The following PTGER3 variants were observed in gnomAD, a reference collection of about 807,000 sequenced individuals.
The protein encoded by PTGER3 is prostaglandin E2 receptor EP3 subtype.
In PTGER3, 22 loss-of-function variants were observed where a neutral mutation model predicts 34.7. That is an observed-to-expected ratio of 0.63 (90% CI 0.45 to 0.91). The LOEUF (loss-of-function observed/expected upper bound fraction) is 0.91, where lower values mean the gene tolerates loss of function less well. Among genes scored for constraint, PTGER3 ranks in the 40% least tolerant of loss-of-function variants. The pLI is 0.00. For synonymous variants in PTGER3, 241 were observed against 230.1 expected (o/e 1.05, Z -0.43); for missense variants, 468 against 519.4 (o/e 0.90, Z 0.96).
chr1:71,041,203 T>C (rs1456359383), intron 1 of PTGER3, among the ~76,000 whole-genome samples: 1 of 152,240 alleles, frequency 6.6e-6, no homozygotes, highest in Non-Finnish European at 1.5e-5. Flanking sequence ...ACACCTAACA[T>C]ACTGAACATC....
Position 70,974,373 on chromosome 1 carries a change from T to C in PTGER3, c.1093A>G (p.Asn365Asp). 9.4e-7 allele frequency: 1 copy of C among 1,066,016 alleles called. No individual in the cohort carries two copies. Among genetic ancestry groups the C allele is most frequent in the South Asian group, 1.2e-5 (1 of 80,246 alleles). 66.0% of individuals were successfully genotyped at this position (1,066,016 alleles called of 1,614,324 possible). A position where few individuals can be genotyped will look rare whatever the true frequency, so the allele number is the denominator to read the frequency against. ...RKFCQIRYHT[N>D]NYASSSTSLP... ...GAGGTGGAGCTGGATGCATAGTTGTTTGTGTGGTACCTGATCTGTGAACAG... is the reference window on the plus strand; with the variant it reads ...GAGGTGGAGCTGGATGCATAGTTGTCTGTGTGGTACCTGATCTGTGAACAG... Residue 365 changes from asparagine (N) to aspartate (D), a missense_variant, in exon 3 of 4, where the codon AAC becomes GAC. Asn to Asp is a conservative substitution (Grantham distance 23, BLOSUM62 1). Transcript: ENST00000306666.
At chr1:70,856,116 A>T (rs1201803817) in intron 4 of PTGER3, among the ~76,000 whole-genome samples, 1 of 152,172 alleles carries the variant, frequency 6.6e-6, no homozygotes, top group Non-Finnish European at 1.5e-5. Context: ...AGAGAAAAAA[A>T]TGCTTGTAGA....
intron 4 of PTGER3, among the ~76,000 whole-genome samples, chr1:70,938,969 A>C (rs1301476793): frequency 1.3e-5 from 2 of 152,172 alleles, no homozygotes; most frequent in African/African-American, 2.4e-5. Flanking sequence ...AACTCATTTC[A>C]GCATTAACCC....
chr1:70,881,461 T>G (rs1646388774), intron 4 of PTGER3, among the ~76,000 whole-genome samples: 1 of 152,206 alleles, frequency 6.6e-6, no homozygotes, highest in African/African-American at 2.4e-5. Flanking sequence ...ACTAGTGTGG[T>G]CATTTGGAGG....
At chr1:70,890,906 AT>A (rs1356421195) in intron 4 of PTGER3, among the ~76,000 whole-genome samples, 1 of 152,098 alleles carries the variant, frequency 6.6e-6, no homozygotes, top group Non-Finnish European at 1.5e-5. Flanking sequence ...ATTTATAGGA[AT>A]TTTTGTTTGT....
intron 2 of PTGER3, chr1:71,009,097 GAAC>G: frequency 5.1e-6 from 5 of 985,016 alleles, no homozygotes; most frequent in Non-Finnish European, 6.0e-6. Flanking sequence ...GAGTCAAAAA[GAAC>G]AAAATTATAA....
exon 4 of PTGER3, chr1:70,953,019 G>A (rs768023105): frequency 3.7e-6 from 6 of 1,611,050 alleles, no homozygotes; most frequent in Non-Finnish European, 5.1e-6. Flanking sequence ...ACAATGTGCA[G>A]TTGCCCTCTG....
At chr1:70,938,002 C>T (rs556666997) in intron 4 of PTGER3, among the ~76,000 whole-genome samples, 6 of 151,966 alleles carry the variant, frequency 3.9e-5, no homozygotes, top group Non-Finnish European at 8.8e-5. Context: ...TGGAGTCAAA[C>T]TCAAATTGTA....
At chr1:70,934,960 C>T (rs1001930026) in intron 4 of PTGER3, among the ~76,000 whole-genome samples, 7 of 152,034 alleles carry the variant, frequency 4.6e-5, no homozygotes, top group Non-Finnish European at 1.0e-4. Flanking sequence ...CCCTTTTGGC[C>T]CTTCAAGGTA....
At chr1:70,885,213 C>T (rs756280973) in intron 4 of PTGER3, among the ~76,000 whole-genome samples, 1 of 151,928 alleles carries the variant, frequency 6.6e-6, no homozygotes, top group African/African-American at 2.4e-5. Flanking sequence ...CTGAGTTGGA[C>T]TTCTGAGGTT....
chr1:70,977,036 C>A (rs1653773806), intron 2 of PTGER3, among the ~76,000 whole-genome samples: 1 of 152,140 alleles, frequency 6.6e-6, no homozygotes, highest in Non-Finnish European at 1.5e-5. Context: ...ATTTAGACAG[C>A]TTTATTTACT....
Position 71,046,927 on chromosome 1 carries a change from G to A in PTGER3, c.651C>T (p.Asn217=), listed in dbSNP as rs1261162007. ...CCCAGTTATGCGAAGAGCTAGTCCC[G>A]TTGCCCCCTCGCCCGGTGCTGATGA... ...WCFISTGRGG[N]GTSSSHNWGN... The change falls in exon 1 of 4, where the codon AAC becomes AAT. Residue 217 remains asparagine, a synonymous_variant. Transcript: ENST00000306666. 2 of 1,608,938 alleles carry A rather than the reference G, an allele frequency of 1.2e-6. No homozygotes were observed. Among genetic ancestry groups the A allele is most frequent in the Middle Eastern group, 1.7e-4 (1 of 6,054 alleles).
chr1:71,043,759 T>C (rs1660504659), intron 1 of PTGER3, among the ~76,000 whole-genome samples: 1 of 152,156 alleles, frequency 6.6e-6, no homozygotes, highest in Non-Finnish European at 1.5e-5. Context: ...TTCTTTTCTT[T>C]GTAGTAATTC....
chr1:70,919,747 G>T (rs528182033), intron 4 of PTGER3, among the ~76,000 whole-genome samples: 1 of 152,226 alleles, frequency 6.6e-6, no homozygotes, highest in East Asian at 1.9e-4. Context: ...TACTGAATCT[G>T]TATTTAATGG....
chr1:70,936,994 A>G (rs1275966039), intron 4 of PTGER3, among the ~76,000 whole-genome samples: 2 of 152,264 alleles, frequency 1.3e-5, no homozygotes, highest in East Asian at 3.9e-4. Context: ...GAGCAGAAAA[A>G]CACAGCATCT....
chr1:70,887,117 C>T (rs144048015), intron 4 of PTGER3, among the ~76,000 whole-genome samples: 309 of 152,198 alleles, frequency 2.0e-3, no homozygotes, highest in African/African-American at 5.5e-3. Flanking sequence ...AGTGGGGTTA[C>T]GAGCCCCTCA....
intron 2 of PTGER3, among the ~76,000 whole-genome samples, chr1:70,958,342 G>T (rs551845296): frequency 6.6e-6 from 1 of 151,974 alleles, no homozygotes; most frequent in South Asian, 2.1e-4. Context: ...CCTTTCCTTT[G>T]CCAGCATGTT....
downstream of PTGER3, among the ~76,000 whole-genome samples, chr1:70,966,693 T>C (rs1034963482): frequency 6.6e-6 from 1 of 151,976 alleles, no homozygotes; most frequent in Non-Finnish European, 1.5e-5. Flanking sequence ...AATGAGAACA[T>C]GTGGTGTTTG....
At chr1:70,917,485 T>C (rs1334606260) in intron 4 of PTGER3, among the ~76,000 whole-genome samples, 1 of 150,916 alleles carries the variant, frequency 6.6e-6, no homozygotes, top group Non-Finnish European at 1.5e-5. Flanking sequence ...TGATTCCATA[T>C]CTTGGCTATT....
Sources: gnomAD v4.1 joint callset for allele counts (sites outside exome capture counted in the v4.1 genomes callset) on GRCh38, gnomAD v4.1.1 for gene constraint, MANE v1.5 for transcripts, NCBI Gene and HGNC (gene_info 2026-07-23, HGNC 2026-07-21) for gene names.